Variants in PRXL2A observed in about 807,000 individuals in gnomAD.
PRXL2A encodes peroxiredoxin like 2A.
Under a neutral mutation model 25.6 loss-of-function variants are expected in PRXL2A, and 26 were observed. That is an observed-to-expected ratio of 1.02 (90% confidence interval 0.74 to 1.41). The LOEUF (loss-of-function observed/expected upper bound fraction) is 1.41. Among genes scored for constraint, PRXL2A ranks in the 40% most tolerant of loss-of-function variants. The probability of loss-of-function intolerance (pLI) is 0.00; values close to 1 mark genes in which losing one functional copy is unlikely to be tolerated. For missense variants in PRXL2A, 246 were observed against 273.9 expected (o/e 0.90, Z 0.72); for synonymous variants, 98 against 102.9 (o/e 0.95, Z 0.29).
At chr10:80,421,424 T>C (rs918675736) in intron 2 of PRXL2A, among the ~76,000 whole-genome samples, 2 of 152,174 alleles carry the variant, frequency 1.3e-5, no homozygotes, top group African/African-American at 4.8e-5. Flanking sequence ...GAAGGTCTCA[T>C]TGATGGCGTG....
chr10:80,409,707 A>G (rs1190938550), intron 1 of PRXL2A, among the ~76,000 whole-genome samples: 1 of 152,186 alleles, frequency 6.6e-6, no homozygotes, highest in Non-Finnish European at 1.5e-5. Context: ...AAAACTCTTC[A>G]TTTTGTGTAC....
At chr10:80,428,526 G>A (rs549263631) in intron 5 of PRXL2A, among the ~76,000 whole-genome samples, 18 of 152,276 alleles carry the variant, frequency 1.2e-4, no homozygotes, top group African/African-American at 3.6e-4. Flanking sequence ...AAAATTAGCC[G>A]GGTGTAGTGG....
intron 3 of PRXL2A, 141 bp downstream of exon 3, chr10:80,422,649 C>A: frequency 2.0e-6 from 1 of 503,826 alleles, no homozygotes; most frequent in Non-Finnish European, 3.4e-6. Context: ...CTAGGTATTT[C>A]TTTGATTTGT....
intron 5 of PRXL2A, among the ~76,000 whole-genome samples, chr10:80,431,033 G>A (rs576885461): frequency 3.5e-4 from 54 of 152,212 alleles, no homozygotes; most frequent in African/African-American, 1.3e-3. Context: ...GAATAGCTGG[G>A]ACTAAAGGCT....
chr10:80,408,788 C>G (rs1198068462), intron 1 of PRXL2A, 145 bp downstream of exon 1: 20 of 152,832 alleles, frequency 1.3e-4, no homozygotes, highest in Admixed American at 1.3e-3. Flanking sequence ...CCCGCGCCAA[C>G]TTTCTTAGGA....
At position 80,432,273 on chromosome 10, in the gene PRXL2A, C is replaced by T; in HGVS notation, c.*174C>T. ...TAGGCCCACTAAGGCAAAATAGCCC[C>T]AAAACAAGACTGACAAAAATCTGAA... On this transcript the variant is annotated 3_prime_UTR_variant, in exon 6 of 6. Coordinates refer to ENST00000606162, the MANE Select transcript of PRXL2A (RefSeq NM_032333.5). 1 of 509,446 alleles carries T rather than the reference C, an allele frequency of 2.0e-6. No individual in the cohort carries two copies. The allele number at this position is 509,446 out of a possible 1,614,324, so 31.6% of individuals were successfully genotyped here.
intron 5 of PRXL2A, among the ~76,000 whole-genome samples, chr10:80,429,588 T>TCCTGCCCTGCCCCTAGCCTCTCCTGC: frequency 1.3e-5 from 1 of 77,334 alleles, no homozygotes; most frequent in Admixed American, 1.5e-4. Flanking sequence ...CCCTAGCCTC[T>TCCTGCCCTGCCCCTAGCCTCTCCTGC]CCTGCCCTGC....
chr10:80,414,184 G>A (rs1186343298), intron 1 of PRXL2A, among the ~76,000 whole-genome samples: 2 of 152,208 alleles, frequency 1.3e-5, no homozygotes, highest in East Asian at 1.9e-4. Flanking sequence ...TTGCACCCAT[G>A]TTCAGACCAG....
rs925534757 is a variant in PRXL2A, at chr10:80,434,349, C to G, written c.*2250C>G. 1 of 152,166 alleles carries G rather than the reference C, an allele frequency of 6.6e-6. No individual in the cohort carries two copies. Among genetic ancestry groups the G allele is most frequent in the African/African-American group, 2.4e-5 (1 of 41,422 alleles). The allele number at this position is 152,166 out of a possible 1,614,324, so 9.4% of individuals were successfully genotyped here. On this transcript the variant is annotated 3_prime_UTR_variant, in exon 6 of 6. Coordinates refer to ENST00000606162, the MANE Select transcript of PRXL2A (RefSeq NM_032333.5). ...TACCAGTGTGATCTTAAGCAAAGAT[C>G]TAACTCATTGGCAAAATGGGCGTGA...
intron 4 of PRXL2A, 25 bp from the exon 5 acceptor site, chr10:80,427,306 TG>T: frequency 6.2e-7 from 1 of 1,610,016 alleles, no homozygotes; most frequent in South Asian, 1.1e-5. Flanking sequence ...AGTACTCATA[TG>T]GGATCTGTCT....
At position 80,420,487 on chromosome 10, in the gene PRXL2A, CAA is replaced by C; in HGVS notation, c.21_22del (p.Ser8PhefsTer112). The C allele has an allele frequency of 6.3e-7, 1 of 1,596,334 alleles. No individual in the cohort carries two copies. The highest frequency in any genetic ancestry group is 1.3e-5 in the African/African-American group (1 of 74,444). On this transcript the variant is annotated frameshift_variant, in exon 2 of 6. Coordinates refer to ENST00000606162, the MANE Select transcript of PRXL2A (RefSeq NM_032333.5). LOFTEE classifies it high-confidence loss of function. Reference sequence around the variant, plus strand: ...CCAGAAATGTCTTTCCTCCAGGACCCAAGTTTCTTCACCATGGGGATGTGGTC... The same window carrying C: ...CCAGAAATGTCTTTCCTCCAGGACCCGTTTCTTCACCATGGGGATGTGGTC...
intron 2 of PRXL2A, 46 bp downstream of exon 2, chr10:80,420,691 G>A (rs976447979): frequency 1.5e-6 from 2 of 1,377,750 alleles, no homozygotes; most frequent in Non-Finnish European, 9.6e-7. Context: ...AAGGAGCTGG[G>A]ATACAGGCTT....
At chr10:80,429,529 G>C (rs538801420) in intron 5 of PRXL2A, among the ~76,000 whole-genome samples, 2 of 131,412 alleles carry the variant, frequency 1.5e-5, no homozygotes, top group Non-Finnish European at 3.3e-5. Flanking sequence ...TTCCCGGCCC[G>C]GCCCTGCCCT....
chr10:80,419,520 C>T (rs1417453501), intron 1 of PRXL2A, among the ~76,000 whole-genome samples: 1 of 148,792 alleles, frequency 6.7e-6, no homozygotes, highest in Non-Finnish European at 1.5e-5. Context: ...GTTAGTCAGG[C>T]TGGTCTCGAA....
intron 1 of PRXL2A, among the ~76,000 whole-genome samples, chr10:80,416,366 C>T (rs1390144906): frequency 6.6e-6 from 1 of 152,172 alleles, no homozygotes; most frequent in Non-Finnish European, 1.5e-5. Flanking sequence ...AGATAAACTG[C>T]AGAATGTCAC....
intron 5 of PRXL2A, among the ~76,000 whole-genome samples, chr10:80,429,598 C>CCCTGCCCTGCCCCTAGCCTCT (rs1845174202): frequency 7.4e-6 from 1 of 135,538 alleles, no homozygotes; most frequent in Non-Finnish European, 1.6e-5. Flanking sequence ...TCCTGCCCTG[C>CCCTGCCCTGCCCCTAGCCTCT]CCTGCCCTGC....
chr10:80,413,187 C>T (rs1035484752), intron 1 of PRXL2A, among the ~76,000 whole-genome samples: 1 of 140,928 alleles, frequency 7.1e-6, no homozygotes. Flanking sequence ...GCAGAGAAAT[C>T]GACTTTAGTT....
chr10:80,419,145 C>G (rs1471719578), intron 1 of PRXL2A, among the ~76,000 whole-genome samples: 2 of 151,772 alleles, frequency 1.3e-5, no homozygotes, highest in Non-Finnish European at 2.9e-5. Flanking sequence ...GCCACCATGC[C>G]CAGCTAATTT....
chr10:80,409,144 G>T, intron 1 of PRXL2A: 2 of 888,906 alleles, frequency 2.2e-6, no homozygotes, highest in Non-Finnish European at 2.7e-6. Context: ...ACGGTTTCTA[G>T]CGTTGTTCAG....
Sources: gnomAD v4.1 joint callset for allele counts (sites outside exome capture counted in the v4.1 genomes callset) on GRCh38, gnomAD v4.1.1 for gene constraint, MANE v1.5 for transcripts, NCBI Gene and HGNC (gene_info 2026-07-23, HGNC 2026-07-21) for gene names.